Variants in MAML2 observed in about 807,000 individuals in gnomAD.
MAML2 encodes the protein mastermind-like protein 2.
A neutral mutation model predicts 96.1 loss-of-function variants in MAML2; 22 were observed. The ratio of observed to expected loss-of-function variants is 0.23; its 90% confidence interval spans 0.16 to 0.33. MAML2 has a LOEUF of 0.33. MAML2 is among the 10% of genes least tolerant of loss of function. The pLI is 1.00. For missense variants in MAML2, 1,367 were observed against 1,392.4 expected (o/e 0.98, Z 0.29); for synonymous variants, 561 against 521.3 (o/e 1.08, Z -1.04).
At chr11:96,136,757 T>G (rs2135861630) in intron 1 of MAML2, among the ~76,000 whole-genome samples, 1 of 152,362 alleles carries the variant, frequency 6.6e-6, no homozygotes, top group East Asian at 1.9e-4. Flanking sequence ...ACTTTTTGCT[T>G]CATTTCCTGT....
intron 2 of MAML2, among the ~76,000 whole-genome samples, chr11:96,029,939 A>G (rs1858584835): frequency 6.6e-6 from 1 of 152,228 alleles, no homozygotes; most frequent in South Asian, 2.1e-4. Flanking sequence ...GACTCACTTT[A>G]AAATTCATAT....
At chr11:96,077,132 C>A (rs57851740) in intron 2 of MAML2, among the ~76,000 whole-genome samples, 2,994 of 150,270 alleles carry the variant, frequency 0.02, 91 homozygotes, top group African/African-American at 0.069. Flanking sequence ...CAGAAGAGAT[C>A]ATCAGAAATG....
intron 2 of MAML2, among the ~76,000 whole-genome samples, chr11:96,085,891 G>T (rs564904031): frequency 1.3e-5 from 2 of 152,086 alleles, no homozygotes; most frequent in South Asian, 4.2e-4. Flanking sequence ...ACTCCATTGT[G>T]CTCTGAGCTA....
At position 96,170,785 on chromosome 11, in the gene MAML2, G is replaced by A. The variant is rs540278702; in HGVS notation, c.514-77268C>T. ...GCTGGAGTGCAGTGGCGTGATCTTG[G>A]CTCACTGCAAGCTCCGCCTCCCGGG... On this transcript the variant is annotated intron_variant, in intron 1 of 4. Coordinates refer to ENST00000524717, the MANE Select transcript of MAML2 (RefSeq NM_032427.4). Among the ~76,000 whole-genome samples the A allele has an allele frequency of 2.6e-3, 399 of 152,242 alleles. 1 individual carries two copies. The highest frequency in any genetic ancestry group is 4.7e-3 in the Non-Finnish European group (322 of 68,012).
chr11:96,081,325 A>AC (rs1246111246), intron 2 of MAML2, among the ~76,000 whole-genome samples: 177 of 152,328 alleles, frequency 1.2e-3, no homozygotes, highest in African/African-American at 4.1e-3. Flanking sequence ...TATAATATTC[A>AC]TATAAGATTT....
intron 2 of MAML2, among the ~76,000 whole-genome samples, chr11:96,056,519 C>G (rs1473868198): frequency 6.6e-6 from 1 of 152,044 alleles, no homozygotes; most frequent in African/African-American, 2.4e-5. Context: ...CATGCACATT[C>G]ATGAATCTCT....
chr11:96,283,382 G>A (rs142153734), intron 1 of MAML2, among the ~76,000 whole-genome samples: 110 of 152,098 alleles, frequency 7.2e-4, no homozygotes, highest in African/African-American at 2.4e-3. Flanking sequence ...TTTCTACAAC[G>A]TTTATTAGAA....
At chr11:95,987,027 G>A (rs1344717448) in intron 3 of MAML2, among the ~76,000 whole-genome samples, 4 of 152,198 alleles carry the variant, frequency 2.6e-5, no homozygotes, top group Non-Finnish European at 5.9e-5. Flanking sequence ...TGTCTCAGTA[G>A]GAGAATGTTA....
intron 1 of MAML2, among the ~76,000 whole-genome samples, chr11:96,265,396 A>G (rs1254240436): frequency 6.6e-6 from 1 of 152,192 alleles, no homozygotes; most frequent in African/African-American, 2.4e-5. Context: ...AGAAGTCTGC[A>G]CAGAGAAAGT....
intron 2 of MAML2, among the ~76,000 whole-genome samples, chr11:96,051,694 G>A (rs1590982952): frequency 6.6e-6 from 1 of 152,284 alleles, no homozygotes; most frequent in Non-Finnish European, 1.5e-5. Context: ...CTCCTCAAAT[G>A]CCTGAAAGCC....
chr11:96,203,551 A>T (rs1366639467), intron 1 of MAML2, among the ~76,000 whole-genome samples: 1 of 152,226 alleles, frequency 6.6e-6, no homozygotes, highest in Non-Finnish European at 1.5e-5. Flanking sequence ...GCTAGGAGCA[A>T]GCCTTTACAA....
chr11:96,118,917 C>G (rs1860290494), intron 1 of MAML2, among the ~76,000 whole-genome samples: 1 of 152,044 alleles, frequency 6.6e-6, no homozygotes, highest in African/African-American at 2.4e-5. Context: ...ACTCTTAGTA[C>G]CTTTTTCCTA....
chr11:95,990,773 T>C (rs748200304), intron 3 of MAML2, among the ~76,000 whole-genome samples: 1 of 152,172 alleles, frequency 6.6e-6, no homozygotes, highest in Non-Finnish European at 1.5e-5. Flanking sequence ...CTGTATACTT[T>C]AGCTCTAATT....
intron 1 of MAML2, among the ~76,000 whole-genome samples, chr11:96,298,769 G>A (rs936966420): frequency 2.0e-5 from 3 of 147,100 alleles, no homozygotes; most frequent in East Asian, 2.0e-4. Flanking sequence ...TAGGCCGGGC[G>A]CAGTGGCTCA....
intron 1 of MAML2, among the ~76,000 whole-genome samples, chr11:96,158,168 A>T (rs1861042041): frequency 6.6e-6 from 1 of 152,242 alleles, no homozygotes; most frequent in African/African-American, 2.4e-5. Flanking sequence ...TACATGGATA[A>T]TAGGTGCTAC....
At chr11:96,327,893 C>T (rs190093591) in intron 1 of MAML2, among the ~76,000 whole-genome samples, 3 of 151,926 alleles carry the variant, frequency 2.0e-5, no homozygotes, top group Admixed American at 1.3e-4. Context: ...GTCAGGAGTT[C>T]GAGACCAGCC....
At chr11:96,000,119 G>T (rs771712927) in intron 2 of MAML2, among the ~76,000 whole-genome samples, 3 of 152,110 alleles carry the variant, frequency 2.0e-5, no homozygotes, top group Non-Finnish European at 2.9e-5. Context: ...GTTGTGGGTG[G>T]CCAAAATAAT....
intron 1 of MAML2, among the ~76,000 whole-genome samples, chr11:96,258,596 C>A (rs1214293767): frequency 6.6e-6 from 1 of 152,156 alleles, no homozygotes; most frequent in East Asian, 1.9e-4. Context: ...CAGGTATCAC[C>A]ATTGATGGGA....
At chr11:96,333,263 A>T (rs563695343) in intron 1 of MAML2, among the ~76,000 whole-genome samples, 3 of 152,318 alleles carry the variant, frequency 2.0e-5, no homozygotes, top group Admixed American at 1.3e-4. Context: ...TAAAAACAAA[A>T]CAACCCAACT....
Sources: gnomAD v4.1 joint callset for allele counts (sites outside exome capture counted in the v4.1 genomes callset) on GRCh38, gnomAD v4.1.1 for gene constraint, MANE v1.5 for transcripts, NCBI Gene and HGNC (gene_info 2026-07-23, HGNC 2026-07-21) for gene names.